FBXO34: variants seen among roughly 807,000 people sequenced by gnomAD.
FBXO34 encodes F-box protein 34.
In FBXO34, 12 loss-of-function variants were observed where a neutral mutation model predicts 24.5. The observed-to-expected ratio is 0.49, with a 90% CI of 0.31 to 0.79. FBXO34 has a LOEUF of 0.79. Ranked by LOEUF, FBXO34 falls within the 30% of genes least tolerant of loss-of-function variation. The probability of loss-of-function intolerance (pLI) is 0.04; values close to 1 mark genes in which losing one functional copy is unlikely to be tolerated. For missense variants in FBXO34, 823 were observed against 857.7 expected (o/e 0.96, Z 0.51); for synonymous variants, 320 against 311.9 (o/e 1.03, Z -0.27).
downstream of FBXO34, chr14:55,355,016 C>G (rs1884499636): frequency 6.6e-6 from 1 of 152,134 alleles, no homozygotes; most frequent in Admixed American, 6.6e-5. Context: ...TCTTCAGGGA[C>G]TCAGTACACC....
At chr14:55,378,743 G>C in the FBXO34 span, among the ~76,000 whole-genome samples, 1 of 152,068 alleles carries the variant, frequency 6.6e-6, no homozygotes, top group African/African-American at 2.4e-5. Flanking sequence ...CTGTCACCCA[G>C]GCTGGGGTGC....
intron 1 of FBXO34, among the ~76,000 whole-genome samples, 158 bp downstream of exon 1, chr14:55,271,695 G>A (rs1881149999): frequency 6.7e-6 from 1 of 150,374 alleles, no homozygotes; most frequent in South Asian, 2.1e-4. Context: ...CGCGGGTCCG[G>A]GGTAGGGACC....
At chr14:55,327,915 T>G (rs1168604061) in intron 1 of FBXO34, among the ~76,000 whole-genome samples, 2 of 39,106 alleles carry the variant, frequency 5.1e-5, no homozygotes. Flanking sequence ...TTGGTTTTTT[T>G]TTTTTTTTTT....
At chr14:55,411,937 C>T in the FBXO34 span, 60 of 948,734 alleles carry the variant, frequency 6.3e-5, no homozygotes, top group Non-Finnish European at 8.0e-5. Flanking sequence ...CCCCCGGACC[C>T]CTCCGCCGCC....
In FBXO34 at chr14:55,352,214, C is replaced by T; in HGVS notation, c.1824C>T (p.Ile608=). ...LKCTCCYFKF[I]IEYYNIRPAD... ...GTACCTGCTGCTATTTCAAGTTTATCATTGAGTACTACAATATCAGGCCAG... is the reference window on the plus strand; with the variant it reads ...GTACCTGCTGCTATTTCAAGTTTATTATTGAGTACTACAATATCAGGCCAG... Residue 608 remains isoleucine (I), a synonymous_variant, in exon 2 of 2, where the codon ATC becomes ATT. Transcript: ENST00000313833. The T allele has an allele frequency of 6.2e-7, 1 of 1,614,104 alleles. No homozygotes were observed. Among genetic ancestry groups the T allele is most frequent in the Non-Finnish European group, 8.5e-7 (1 of 1,180,022 alleles).
chr14:55,378,735 G>T, the FBXO34 span, among the ~76,000 whole-genome samples: 1 of 151,912 alleles, frequency 6.6e-6, no homozygotes, highest in African/African-American at 2.4e-5. Flanking sequence ...GTCTCACTCT[G>T]TCACCCAGGC....
At chr14:55,338,109 G>A (rs764527770) in intron 1 of FBXO34, among the ~76,000 whole-genome samples, 2 of 136,922 alleles carry the variant, frequency 1.5e-5, no homozygotes, top group Non-Finnish European at 3.0e-5. Context: ...GAGTGCAGTG[G>A]CACGATCTCA....
chr14:55,396,030 C>A, the FBXO34 span: 1 of 1,430,550 alleles, frequency 7.0e-7, no homozygotes, highest in African/African-American at 1.5e-5. Context: ...TAATAAAATT[C>A]TGTGAAGTTC....
At chr14:55,337,865 G>T (rs971260854) in intron 1 of FBXO34, among the ~76,000 whole-genome samples, 37 of 151,986 alleles carry the variant, frequency 2.4e-4, no homozygotes, top group African/African-American at 8.5e-4. Flanking sequence ...GGAGTACCCT[G>T]CCATGGGCCC....
chr14:55,289,212 A>G (rs2139671884), intron 1 of FBXO34, among the ~76,000 whole-genome samples: 1 of 151,236 alleles, frequency 6.6e-6, no homozygotes. Context: ...AAATTTTGTT[A>G]TTTTTGTATC....
the FBXO34 span, among the ~76,000 whole-genome samples, chr14:55,381,065 C>A: frequency 6.6e-6 from 1 of 151,904 alleles, no homozygotes; most frequent in Non-Finnish European, 1.5e-5. Context: ...TCATCCCTTC[C>A]TCTGTACCCC....
intron 1 of FBXO34, among the ~76,000 whole-genome samples, chr14:55,331,542 A>G (rs1057028174): frequency 7.9e-6 from 1 of 126,972 alleles, no homozygotes; most frequent in Non-Finnish European, 1.7e-5. Context: ...AACTAAATTG[A>G]GGCGTGATAT....
chr14:55,334,182 C>G (rs916934842), intron 1 of FBXO34, among the ~76,000 whole-genome samples: 6 of 152,140 alleles, frequency 3.9e-5, no homozygotes, highest in Non-Finnish European at 8.8e-5. Context: ...ACCTTTTCCA[C>G]CGCTCATCTC....
chr14:55,331,729 GTATATATATA>G (rs1193535873), intron 1 of FBXO34, among the ~76,000 whole-genome samples: 2 of 28,036 alleles, frequency 7.1e-5, no homozygotes, highest in East Asian at 5.8e-4. Context: ...ATATATATAT[GTATATATATA>G]TGTGTGTATA....
At chr14:55,386,046 G>A in the FBXO34 span, 3 of 1,613,848 alleles carry the variant, frequency 1.9e-6, no homozygotes, top group South Asian at 1.1e-5. Context: ...CGTTGTGCTC[G>A]ACTGTAAAGC....
At chr14:55,373,821 G>GT (rs200095114), downstream of FBXO34, among the ~76,000 whole-genome samples, 1,006 of 144,272 alleles carry the variant, frequency 7.0e-3, 14 homozygotes, top group African/African-American at 0.024. Flanking sequence ...AAAAAAAAAA[G>GT]TTTATCTTTT....
chr14:55,315,710 TC>T (rs1220749401), intron 1 of FBXO34, among the ~76,000 whole-genome samples: 1 of 152,222 alleles, frequency 6.6e-6, no homozygotes, highest in Admixed American at 6.5e-5. Context: ...CCTGCATTGC[TC>T]CTGAAGACCT....
At chr14:55,382,360 T>C in the FBXO34 span, among the ~76,000 whole-genome samples, 1 of 152,176 alleles carries the variant, frequency 6.6e-6, no homozygotes, top group African/African-American at 2.4e-5. Flanking sequence ...TTATCCAACA[T>C]GGAGCGCAGT....
intron 1 of FBXO34, among the ~76,000 whole-genome samples, chr14:55,318,982 T>TCA (rs1883035448): frequency 6.6e-6 from 1 of 152,204 alleles, no homozygotes; most frequent in South Asian, 2.1e-4. Flanking sequence ...CTAGGTCATC[T>TCA]CACAGTCCAC....
Sources: allele counts gnomAD v4.1 joint callset (sites outside exome capture counted in the v4.1 genomes callset), GRCh38; gene constraint gnomAD v4.1.1; transcripts MANE v1.5; gene names NCBI Gene and HGNC (gene_info 2026-07-23, HGNC 2026-07-21).